The following WHRN variants were observed in gnomAD, a reference collection of about 807,000 sequenced individuals.
WHRN encodes whirlin, also known as CASK-interacting protein CIP98.
In WHRN, 41 loss-of-function variants were observed where a neutral mutation model predicts 68.3. The ratio of observed to expected loss-of-function variants is 0.60; its 90% CI spans 0.47 to 0.78. The LOEUF is 0.78. WHRN is among the 30% of genes least tolerant of loss of function. The pLI is 0.00. For synonymous variants in WHRN, 560 were observed against 561.3 expected (o/e 1.00, Z 0.03); for missense variants, 1,243 against 1,244.7 (o/e 1.00, Z 0.02).
intron 7 of WHRN, among the ~76,000 whole-genome samples, chr9:114,410,293 C>G (rs1835341174): frequency 1.3e-5 from 2 of 152,240 alleles, no homozygotes; most frequent in Non-Finnish European, 1.5e-5. Flanking sequence ...GCAGGACATG[C>G]AACTACTCGG....
At chr9:114,503,778 A>C (rs947545122) in intron 1 of WHRN, 2 of 234,744 alleles carry the variant, frequency 8.5e-6, no homozygotes, top group African/African-American at 4.7e-5. Flanking sequence ...AAGAGCTAAC[A>C]AAACTGTTTC....
Position 114,504,582 on chromosome 9 carries a change from G to A in WHRN, c.220C>T (p.Leu74=). Residue 74 remains leucine, a synonymous_variant, in exon 1 of 12, where the codon CTG becomes TTG. Coordinates refer to ENST00000362057, the MANE Select transcript of WHRN (RefSeq NM_015404.4). Reference sequence around the variant, plus strand: ...AGCAGCACGCGCAGGGTGCGCACCAGGTCGAAGACGTTGCGGCGCGCGTGG... The same window carrying A: ...AGCAGCACGCGCAGGGTGCGCACCAAGTCGAAGACGTTGCGGCGCGCGTGG... ...AYHARRNVFD[L]VRTLRVLLDS... The A allele has an allele frequency of 6.2e-7, 1 of 1,611,460 alleles. No homozygotes were observed. The highest frequency in any genetic ancestry group is 8.5e-7 in the Non-Finnish European group (1 of 1,179,646).
At chr9:114,417,510 T>A (rs1835900903) in intron 7 of WHRN, among the ~76,000 whole-genome samples, 1 of 152,194 alleles carries the variant, frequency 6.6e-6, no homozygotes, top group Non-Finnish European at 1.5e-5. Context: ...GGGCCTCCAT[T>A]TTGCACCAGC....
chr9:114,441,997 AC>A (rs1352316882), intron 3 of WHRN, among the ~76,000 whole-genome samples: 6 of 152,376 alleles, frequency 3.9e-5, no homozygotes, highest in African/African-American at 1.2e-4. Context: ...CAAGGACCTG[AC>A]ATCAAAGCTA....
chr9:114,422,757 C>A (rs1564132676), intron 7 of WHRN, among the ~76,000 whole-genome samples: 2 of 143,930 alleles, frequency 1.4e-5, no homozygotes, highest in Admixed American at 7.3e-5. Flanking sequence ...ACTGCTTGAA[C>A]TGGGGAGGTG....
At position 114,438,747 on chromosome 9, in the gene WHRN, G is replaced by A. The variant is rs553228072; in HGVS notation, c.964-12334C>T. ...ATTACAGGCATGAGCCACCGCGCCT[G>A]GCTAACGGAATCCCACTTTCAAAAA... On this transcript the variant is annotated intron_variant, in intron 3 of 11. Transcript: ENST00000362057. 9.9e-5 allele frequency among the ~76,000 whole-genome samples: 15 copies of A among 151,878 alleles called. No homozygotes were observed. In the East Asian group the frequency reaches 2.9e-3, roughly 30 times the overall value.
intron 1 of WHRN, among the ~76,000 whole-genome samples, chr9:114,479,410 C>T (rs1258816976): frequency 1.3e-5 from 2 of 152,180 alleles, no homozygotes; most frequent in East Asian, 1.9e-4. Context: ...CTGCCCAATG[C>T]ACCCTTTCCC....
intron 7 of WHRN, among the ~76,000 whole-genome samples, chr9:114,413,870 G>C (rs1835630932): frequency 6.6e-6 from 1 of 152,202 alleles, no homozygotes; most frequent in South Asian, 2.1e-4. Context: ...CCTGTGCCCT[G>C]CTGAACAGAC....
intron 3 of WHRN, among the ~76,000 whole-genome samples, chr9:114,458,814 G>A (rs780343698): frequency 6.6e-6 from 1 of 152,246 alleles, no homozygotes; most frequent in Non-Finnish European, 1.5e-5. Context: ...TGCCCCAGGT[G>A]TTGTGCTGGT....
chr9:114,441,623 C>G (rs1316084789), intron 3 of WHRN, among the ~76,000 whole-genome samples: 1 of 152,170 alleles, frequency 6.6e-6, no homozygotes, highest in Non-Finnish European at 1.5e-5. Context: ...AGAAGCCAGG[C>G]TGAAGGCTCT....
At chr9:114,459,019 T>G (rs1229268917) in intron 3 of WHRN, among the ~76,000 whole-genome samples, 1 of 151,904 alleles carries the variant, frequency 6.6e-6, no homozygotes, top group Non-Finnish European at 1.5e-5. Context: ...AACAAGGAGG[T>G]GGTGGAGCTG....
intron 1 of WHRN, among the ~76,000 whole-genome samples, chr9:114,483,771 G>A (rs1842276947): frequency 1.3e-5 from 2 of 152,326 alleles, no homozygotes; most frequent in East Asian, 3.9e-4. Flanking sequence ...GCAATGAGCA[G>A]GTTGGACCTG....
chr9:114,424,759 T>C (rs967700392), intron 5 of WHRN, among the ~76,000 whole-genome samples: 10 of 152,222 alleles, frequency 6.6e-5, no homozygotes, highest in African/African-American at 2.4e-4. Flanking sequence ...AAAACCCGCA[T>C]GAGGGCAGGG....
At chr9:114,493,505 C>T (rs928962948) in intron 1 of WHRN, among the ~76,000 whole-genome samples, 1 of 151,954 alleles carries the variant, frequency 6.6e-6, no homozygotes, top group Non-Finnish European at 1.5e-5. Context: ...AGTTAATGAC[C>T]ACCAGCCTTT....
intron 4 of WHRN, 76 bp downstream of exon 4, chr9:114,426,135 G>A: frequency 1.2e-5 from 19 of 1,592,950 alleles, no homozygotes; most frequent in Non-Finnish European, 1.6e-5. Context: ...GGCGGTGGAG[G>A]GATGGGAGGC....
intron 3 of WHRN, among the ~76,000 whole-genome samples, chr9:114,429,696 A>G (rs1427967984): frequency 6.6e-6 from 1 of 152,120 alleles, no homozygotes; most frequent in Non-Finnish European, 1.5e-5. Flanking sequence ...CAAGCACTCA[A>G]TCAGTGCTTA....
intron 7 of WHRN, among the ~76,000 whole-genome samples, chr9:114,422,197 A>G (rs1836351073): frequency 6.6e-6 from 1 of 152,208 alleles, no homozygotes; most frequent in Non-Finnish European, 1.5e-5. Flanking sequence ...ATTCCTCCAG[A>G]AAGAGCTCTC....
At chr9:114,490,125 C>T (rs943795772) in intron 1 of WHRN, among the ~76,000 whole-genome samples, 42 of 152,212 alleles carry the variant, frequency 2.8e-4, no homozygotes, top group Admixed American at 1.6e-3. Context: ...CGGCTCTGTG[C>T]GGCCACCTCG....
chr9:114,499,790 G>A (rs1395266039), intron 1 of WHRN, among the ~76,000 whole-genome samples: 1 of 152,196 alleles, frequency 6.6e-6, no homozygotes, highest in East Asian at 1.9e-4. Flanking sequence ...TTGGTCGGGG[G>A]GTTAAAGAAT....
Sources: gnomAD v4.1 joint callset for allele counts (sites outside exome capture counted in the v4.1 genomes callset) on GRCh38, gnomAD v4.1.1 for gene constraint, MANE v1.5 for transcripts, NCBI Gene and HGNC (gene_info 2026-07-23, HGNC 2026-07-21) for gene names.